The following UBE2R2 variants were observed in gnomAD, a reference collection of about 807,000 sequenced individuals.
UBE2R2 encodes the protein ubiquitin-conjugating enzyme E2 R2.
Under a neutral mutation model 27.8 loss-of-function variants are expected in UBE2R2, and 1 was observed. The observed-to-expected ratio is 0.04, with a 90% CI of 0.01 to 0.17. The LOEUF is 0.17. Ranked by LOEUF, UBE2R2 falls within the 10% of genes least tolerant of loss-of-function variation. UBE2R2 has a pLI of 1.00. For missense variants in UBE2R2, 100 were observed against 291.0 expected (o/e 0.34, Z 4.78); for synonymous variants, 106 against 113.3 (o/e 0.94, Z 0.41).
intron 1 of UBE2R2, among the ~76,000 whole-genome samples, chr9:33,878,251 C>T (rs781357632): frequency 5.3e-5 from 8 of 152,078 alleles, no homozygotes; most frequent in Non-Finnish European, 1.0e-4. Context: ...TCCAGGAGAA[C>T]GATGGCTGTT....
chr9:33,847,748 T>A (rs1291595954), intron 1 of UBE2R2, among the ~76,000 whole-genome samples: 1 of 22,470 alleles, frequency 4.5e-5, no homozygotes, highest in Non-Finnish European at 9.3e-5. Flanking sequence ...TGACCTGAAA[T>A]TTTTTTTTTT....
chr9:33,886,071 C>T (rs1821845898), intron 1 of UBE2R2, among the ~76,000 whole-genome samples: 1 of 151,936 alleles, frequency 6.6e-6, no homozygotes, highest in Non-Finnish European at 1.5e-5. Flanking sequence ...CAATGTGATA[C>T]AGGTGAAAAA....
chr9:33,836,423 G>GT (rs1820616078), intron 1 of UBE2R2, among the ~76,000 whole-genome samples: 1 of 152,084 alleles, frequency 6.6e-6, no homozygotes, highest in African/African-American at 2.4e-5. Flanking sequence ...TAATTCAGTG[G>GT]TTTTTAGTCA....
At chr9:33,841,476 C>T (rs943935989) in intron 1 of UBE2R2, among the ~76,000 whole-genome samples, 6 of 152,102 alleles carry the variant, frequency 3.9e-5, no homozygotes, top group African/African-American at 1.2e-4. Context: ...TCTGGTATGA[C>T]CAGGTGTTGC....
intron 2 of UBE2R2, among the ~76,000 whole-genome samples, chr9:33,899,875 G>A (rs532432655): frequency 3.4e-4 from 51 of 151,962 alleles, no homozygotes; most frequent in African/African-American, 1.2e-3. Context: ...GAGATTGGTC[G>A]AAATAAATAT....
chr9:33,878,824 G>A (rs189976923), intron 1 of UBE2R2, among the ~76,000 whole-genome samples: 45 of 152,260 alleles, frequency 3.0e-4, no homozygotes, highest in Admixed American at 2.1e-3. Flanking sequence ...GCAGGTGTGT[G>A]GTGATAGTTG....
chr9:33,909,833 T>A (rs986048573), intron 3 of UBE2R2, among the ~76,000 whole-genome samples: 1 of 152,324 alleles, frequency 6.6e-6, no homozygotes, highest in Middle Eastern at 3.4e-3. Flanking sequence ...GGATTTTAAT[T>A]AGATAGAAAT....
At chr9:33,842,792 A>G (rs1284740254) in intron 1 of UBE2R2, among the ~76,000 whole-genome samples, 1 of 152,148 alleles carries the variant, frequency 6.6e-6, no homozygotes, top group African/African-American at 2.4e-5. Flanking sequence ...ACAATTGCAC[A>G]GTTAACTGGA....
At chr9:33,842,172 A>G (rs1820746205) in intron 1 of UBE2R2, among the ~76,000 whole-genome samples, 2 of 152,128 alleles carry the variant, frequency 1.3e-5, no homozygotes, top group Non-Finnish European at 2.9e-5. Context: ...GGCCGAGGTC[A>G]GAGGATCACT....
intron 1 of UBE2R2, among the ~76,000 whole-genome samples, chr9:33,829,635 A>C (rs1240951193): frequency 6.6e-6 from 1 of 152,188 alleles, no homozygotes; most frequent in Non-Finnish European, 1.5e-5. Context: ...ATATTGGTTT[A>C]TGCTTTTAAA....
chr9:33,845,824 A>G (rs1025889898), intron 1 of UBE2R2, among the ~76,000 whole-genome samples: 12 of 151,554 alleles, frequency 7.9e-5, no homozygotes, highest in Admixed American at 6.6e-5. Flanking sequence ...CCTGGCCAAC[A>G]TGGCGAAACT....
chr9:33,891,055 G>GTTTTTTTTTTTTGTT (rs1821972502), intron 2 of UBE2R2, among the ~76,000 whole-genome samples: 1 of 126,100 alleles, frequency 7.9e-6, no homozygotes, highest in African/African-American at 2.7e-5. Context: ...GTGTTTTTTT[G>GTTTTTTTTTTTTGTT]TTTTTTTTTT....
At chr9:33,912,654 C>T (rs1042742963) in intron 4 of UBE2R2, among the ~76,000 whole-genome samples, 1 of 151,762 alleles carries the variant, frequency 6.6e-6, no homozygotes, top group Non-Finnish European at 1.5e-5. Flanking sequence ...TAAATAAAGC[C>T]TTCCAGTTTA....
intron 2 of UBE2R2, among the ~76,000 whole-genome samples, chr9:33,894,019 C>T (rs1439344621): frequency 2.6e-5 from 4 of 152,010 alleles, no homozygotes; most frequent in Admixed American, 6.6e-5. Context: ...TGTGCCCAGC[C>T]ATCTTTTAAA....
At chr9:33,897,707 C>T (rs1455035043) in intron 2 of UBE2R2, among the ~76,000 whole-genome samples, 1 of 151,814 alleles carries the variant, frequency 6.6e-6, no homozygotes, top group East Asian at 1.9e-4. Context: ...ACAACAAAGC[C>T]TTTTATCTTC....
At chr9:33,871,237 T>C (rs1821478440) in intron 1 of UBE2R2, among the ~76,000 whole-genome samples, 1 of 152,240 alleles carries the variant, frequency 6.6e-6, no homozygotes, top group African/African-American at 2.4e-5. Flanking sequence ...TCAGGCATAG[T>C]GTTCTAAATA....
At chr9:33,818,529 TAAAAAA>T (rs548358025) in intron 1 of UBE2R2, 3 of 98,674 alleles carry the variant, frequency 3.0e-5, no homozygotes, top group Non-Finnish European at 4.0e-5. Context: ...CTAGGGGTGG[TAAAAAA>T]AAAAAAAAAA....
At chr9:33,861,349 C>G (rs1379751324) in intron 1 of UBE2R2, among the ~76,000 whole-genome samples, 1 of 151,950 alleles carries the variant, frequency 6.6e-6, no homozygotes, top group Non-Finnish European at 1.5e-5. Context: ...GGGCAGATTG[C>G]CCGAGGTCAG....
In UBE2R2 at chr9:33,820,998, C is replaced by T. The variant is rs216369; in HGVS notation, c.177+3064C>T. Among the ~76,000 whole-genome samples, 1,275 of 152,204 alleles carry T rather than the reference C, an allele frequency of 8.4e-3. 15 individuals are homozygous for T. Among genetic ancestry groups the T allele is most frequent in the African/African-American group, 0.028 (1,168 of 41,536 alleles). Reference sequence around the variant, plus strand: ...GATGGGCAAAGATAGTTTCTTCTGTCCATTCTGAATACTATACAATCTTTT... The same window carrying T: ...GATGGGCAAAGATAGTTTCTTCTGTTCATTCTGAATACTATACAATCTTTT... On this transcript the variant is annotated intron_variant, in intron 1 of 4. Coordinates refer to ENST00000263228, the MANE Select transcript of UBE2R2 (RefSeq NM_017811.4).
Sources: gnomAD v4.1 joint callset for allele counts (sites outside exome capture counted in the v4.1 genomes callset) on GRCh38, gnomAD v4.1.1 for gene constraint, MANE v1.5 for transcripts, NCBI Gene and HGNC (gene_info 2026-07-23, HGNC 2026-07-21) for gene names.